RBKS: variants seen among roughly 807,000 people sequenced by gnomAD.
RBKS encodes ribokinase.
Under a neutral mutation model 33.9 loss-of-function variants are expected in RBKS, and 33 were observed. The ratio of observed to expected loss-of-function variants is 0.97; its 90% CI spans 0.74 to 1.30. RBKS has a LOEUF of 1.30. Ranked by LOEUF, RBKS falls within the 50% of genes most tolerant of loss-of-function variation. The pLI is 0.00. For synonymous variants in RBKS, 125 were observed against 143.0 expected, an observed-to-expected ratio of 0.87 and a Z score of 0.90; for missense variants, 361 against 392.6, an observed-to-expected ratio of 0.92 and a Z score of 0.68.
intron 7 of RBKS, among the ~76,000 whole-genome samples, chr2:27,817,573 C>T (rs116108814): frequency 0.011 from 1,717 of 152,274 alleles, 23 homozygotes; most frequent in African/African-American, 0.039. Flanking sequence ...CTCACAGTTC[C>T]GCATGGCTGT....
intron 7 of RBKS, among the ~76,000 whole-genome samples, chr2:27,826,883 A>G (rs1678323159): frequency 6.6e-6 from 1 of 152,146 alleles, no homozygotes; most frequent in Admixed American, 6.6e-5. Flanking sequence ...TGGAGTCCAT[A>G]TGCCTAGTTT....
intron 7 of RBKS, among the ~76,000 whole-genome samples, chr2:27,783,083 G>A (rs1677320088): frequency 1.3e-5 from 2 of 152,160 alleles, no homozygotes; most frequent in African/African-American, 4.8e-5. Flanking sequence ...AGCTTTTCCA[G>A]TTGGCTCCTG....
Position 27,870,775 on chromosome 2 carries a change from C to G in RBKS, c.90-12204G>C, listed in dbSNP as rs568082708. 7.8e-4 allele frequency: 363 copies of G among 464,892 alleles called. 7 individuals carry two copies. The highest frequency in any genetic ancestry group is 5.3e-3 in the South Asian group (344 of 64,568). 28.8% of individuals were successfully genotyped at this position (464,892 alleles called of 1,614,324 possible). A position where few individuals can be genotyped will look rare whatever the true frequency, so the allele number is the denominator to read the frequency against. ...CACTCTGTCCATGCATATACTCACA[C>G]AAAATGACCAGTTCAGTTTTCCTGA... is the stretch of plus-strand genomic sequence containing the variant. On this transcript the variant is annotated intron_variant, in intron 1 of 7. Transcript: ENST00000302188.
At chr2:27,847,227 TA>T (rs11301069) in intron 3 of RBKS, 123 bp from the exon 4 acceptor site, 21,876 of 539,040 alleles carry the variant, frequency 0.041, 1,102 homozygotes, top group African/African-American at 0.18. Context: ...TCTGGAATGA[TA>T]AAAAAAAATA....
rs759390832 is a variant in RBKS at position 27,843,047 on chromosome 2, T to G, written c.514+20A>C. 6.5e-7 allele frequency: 1 copy of G among 1,531,120 alleles called. No individual in the cohort carries two copies. Among genetic ancestry groups the G allele is most frequent in the Non-Finnish European group, 8.8e-7 (1 of 1,135,776 alleles). 94.8% of individuals were successfully genotyped at this position (1,531,120 alleles called of 1,614,324 possible). A position where few individuals can be genotyped will look rare whatever the true frequency, so the allele number is the denominator to read the frequency against. Reference sequence around the variant, plus strand: ...GCGATAAAAGCTTTTATAGAAAGAATGACAAATATGTATAATTACCTCCAC... The same window carrying G: ...GCGATAAAAGCTTTTATAGAAAGAAGGACAAATATGTATAATTACCTCCAC... On this transcript the variant is annotated intron_variant, in intron 5 of 7. Coordinates refer to ENST00000302188, the MANE Select transcript of RBKS (RefSeq NM_022128.3).
intron 7 of RBKS, among the ~76,000 whole-genome samples, chr2:27,791,470 C>T (rs915756959): frequency 1.3e-5 from 2 of 151,946 alleles, no homozygotes; most frequent in African/African-American, 4.8e-5. Context: ...CTATGTTCTC[C>T]CCTCTCCCTC....
intron 7 of RBKS, among the ~76,000 whole-genome samples, chr2:27,789,798 C>T (rs112816219): frequency 4.6e-5 from 7 of 150,646 alleles, no homozygotes; most frequent in African/African-American, 1.7e-4. Context: ...CTCCTGACCT[C>T]GTGATCCACC....
At position 27,790,185 on chromosome 2, in the gene RBKS, C is replaced by G. The variant is rs7580852; in HGVS notation, c.796-8397G>C. On this transcript the variant is annotated intron_variant, in intron 7 of 7. Coordinates refer to ENST00000302188, the MANE Select transcript of RBKS (RefSeq NM_022128.3). The stretch of plus-strand genomic sequence containing the variant: ...GATTGCAGATTTTGGATTAGGGAAA[C>G]GCAACCTGTACCCAGTAATTCAATG... 9.0e-3 allele frequency among the ~76,000 whole-genome samples: 1,367 copies of G among 151,764 alleles called. 24 individuals carry two copies. The highest frequency in any genetic ancestry group is 0.031 in the African/African-American group (1,264 of 41,352).
At chr2:27,827,211 A>G (rs775437709) in intron 7 of RBKS, among the ~76,000 whole-genome samples, 6 of 152,252 alleles carry the variant, frequency 3.9e-5, no homozygotes, top group Non-Finnish European at 7.3e-5. Flanking sequence ...ATTTATTGCT[A>G]TATCCCCAGC....
At chr2:27,888,955 A>C (rs1362501624) in intron 1 of RBKS, among the ~76,000 whole-genome samples, 2 of 152,240 alleles carry the variant, frequency 1.3e-5, no homozygotes, top group Non-Finnish European at 2.9e-5. Flanking sequence ...CACCAAAGGA[A>C]AGTATTTTTA....
At chr2:27,783,980 T>C (rs1269208630) in intron 7 of RBKS, among the ~76,000 whole-genome samples, 8 of 76,210 alleles carry the variant, frequency 1.0e-4, no homozygotes, top group Admixed American at 2.0e-4. Context: ...ATTTTCTTTT[T>C]TTTTTTTTTT....
At chr2:27,815,204 G>GT (rs975580654) in intron 7 of RBKS, among the ~76,000 whole-genome samples, 5 of 152,004 alleles carry the variant, frequency 3.3e-5, no homozygotes, top group African/African-American at 9.6e-5. Context: ...GCTCTAGGTG[G>GT]TTTTTTTTCC....
chr2:27,872,417 C>T (rs182464244), intron 1 of RBKS, among the ~76,000 whole-genome samples: 65 of 151,936 alleles, frequency 4.3e-4, no homozygotes, highest in Non-Finnish European at 8.7e-4. Context: ...TTATGAGACA[C>T]ATTGAAGGGT....
intron 7 of RBKS, among the ~76,000 whole-genome samples, chr2:27,800,888 G>A (rs944050887): frequency 1.3e-5 from 2 of 152,188 alleles, no homozygotes; most frequent in Non-Finnish European, 2.9e-5. Flanking sequence ...TGGGGTCTCT[G>A]AAATCCATTC....
At chr2:27,813,609 A>G (rs1432312497) in intron 7 of RBKS, among the ~76,000 whole-genome samples, 1 of 152,090 alleles carries the variant, frequency 6.6e-6, no homozygotes, top group African/African-American at 2.4e-5. Context: ...AAAGAGACAA[A>G]ATTTAAAAGA....
chr2:27,832,719 G>C lies in RBKS; in HGVS notation c.573C>G (p.Thr191=), dbSNP rs151120455. 6.2e-7 allele frequency: 1 copy of C among 1,613,276 alleles called. No individual in the cohort carries two copies. Among genetic ancestry groups the C allele is most frequent in the East Asian group, 2.2e-5 (1 of 44,876 alleles). Reference sequence around the variant, plus strand: ...CATTGCAGCAGAACACATCTGAGAGGGTGTAGAACTGGGGATCCAGGTCAG... The same window carrying C: ...CATTGCAGCAGAACACATCTGAGAGCGTGTAGAACTGGGGATCCAGGTCAG... ...AIADLDPQFY[T]LSDVFCCNES... The change falls in exon 6 of 8, where the codon ACC becomes ACG. Residue 191 remains threonine (T), a synonymous_variant. Transcript: ENST00000302188.
chr2:27,888,138 T>C (rs186761162), intron 1 of RBKS, among the ~76,000 whole-genome samples: 81 of 152,190 alleles, frequency 5.3e-4, no homozygotes, highest in African/African-American at 1.1e-3. Flanking sequence ...CTTTTCTTTT[T>C]TTTTTTGAGA....
At chr2:27,865,572 T>A (rs1251305405) in intron 1 of RBKS, among the ~76,000 whole-genome samples, 1 of 3,682 alleles carries the variant, frequency 2.7e-4, no homozygotes, top group Non-Finnish European at 7.1e-3. Flanking sequence ...CTCCTCCTCC[T>A]TTTTTTTTTT....
At chr2:27,842,707 A>C (rs1024937403) in intron 5 of RBKS, among the ~76,000 whole-genome samples, 1 of 151,524 alleles carries the variant, frequency 6.6e-6, no homozygotes, top group Non-Finnish European at 1.5e-5. Context: ...CCCAGGCTAG[A>C]GTGCAGCAGA....
Sources: allele counts gnomAD v4.1 joint callset (sites outside exome capture counted in the v4.1 genomes callset), GRCh38; gene constraint gnomAD v4.1.1; transcripts MANE v1.5; gene names NCBI Gene and HGNC (gene_info 2026-07-23, HGNC 2026-07-21).